KLF7: variants seen among roughly 807,000 people sequenced by gnomAD.
The protein encoded by KLF7 is Krueppel-like factor 7.
KLF7 carries 2 observed loss-of-function variants against 27.3 expected under a neutral mutation model. The observed-to-expected ratio is 0.07, with a 90% CI of 0.03 to 0.23. The LOEUF is 0.23. Ranked by LOEUF, KLF7 falls within the 10% of genes least tolerant of loss-of-function variation. KLF7 has a pLI of 1.00. For missense variants in KLF7, 221 were observed against 394.1 expected (o/e 0.56, Z 3.72); for synonymous variants, 165 against 162.4 (o/e 1.02, Z -0.12).
chr2:207,100,745 T>TCC (rs1450093136), intron 2 of KLF7, among the ~76,000 whole-genome samples: 4 of 152,330 alleles, frequency 2.6e-5, no homozygotes, highest in African/African-American at 9.6e-5. Flanking sequence ...GGCCAGTTAT[T>TCC]TACTATTTCC....
At chr2:207,113,524 A>T in intron 2 of KLF7, among the ~76,000 whole-genome samples, 1 of 145,974 alleles carries the variant, frequency 6.9e-6, no homozygotes. Flanking sequence ...ACAGCAGAGC[A>T]GCAGGCCCAG....
intron 1 of KLF7, among the ~76,000 whole-genome samples, chr2:207,137,677 G>A (rs971769377): frequency 6.6e-6 from 1 of 152,190 alleles, no homozygotes; most frequent in Non-Finnish European, 1.5e-5. Flanking sequence ...GTGTGAGTGT[G>A]TGTGTGCATT....
chr2:207,169,643 A>T (rs535357925), upstream of KLF7, among the ~76,000 whole-genome samples: 1 of 152,330 alleles, frequency 6.6e-6, no homozygotes, highest in South Asian at 2.1e-4. Context: ...CCCTGCTTGG[A>T]ACAAGTCTTA....
Position 207,165,754 on chromosome 2 carries a change from G to A in KLF7, c.-186C>T. On this transcript the variant is annotated 5_prime_UTR_variant, in exon 1 of 4. Coordinates refer to ENST00000309446, the MANE Select transcript of KLF7 (RefSeq NM_003709.4). ...AATGCAGGAGAGGGAGAGAGGAGGTGAGAGAGGAGCGAGTGAGTGGGGTGG... is the reference window on the plus strand; with the variant it reads ...AATGCAGGAGAGGGAGAGAGGAGGTAAGAGAGGAGCGAGTGAGTGGGGTGG... 1.4e-6 allele frequency: 2 copies of A among 1,440,920 alleles called. No homozygotes were observed. Among genetic ancestry groups the A allele is most frequent in the Non-Finnish European group, 1.8e-6 (2 of 1,103,670 alleles). 89.3% of individuals were successfully genotyped at this position (1,440,920 alleles called of 1,614,324 possible).
intron 2 of KLF7, among the ~76,000 whole-genome samples, chr2:207,101,260 A>C (rs1469333382): frequency 6.6e-6 from 1 of 152,240 alleles, no homozygotes; most frequent in East Asian, 1.9e-4. Flanking sequence ...TAGAGATTAA[A>C]GCTAAATGGA....
At chr2:207,153,581 A>G (rs1275379591) in intron 1 of KLF7, among the ~76,000 whole-genome samples, 3 of 152,214 alleles carry the variant, frequency 2.0e-5, no homozygotes, top group African/African-American at 7.2e-5. Flanking sequence ...TCAAAGAGCA[A>G]AGTGAGAAAA....
At chr2:207,087,487 C>T (rs753289220) in intron 3 of KLF7, among the ~76,000 whole-genome samples, 7 of 152,058 alleles carry the variant, frequency 4.6e-5, no homozygotes, top group Non-Finnish European at 7.4e-5. Context: ...GATGCAAAAG[C>T]GATCCCATTT....
upstream of KLF7, chr2:207,166,913 C>T (rs955106860): frequency 9.8e-7 from 1 of 1,024,052 alleles, no homozygotes; most frequent in Admixed American, 4.9e-5. Flanking sequence ...CCCCCGCTTG[C>T]GCACAGTCCC....
chr2:207,103,607 T>C (rs1574457156), intron 2 of KLF7, among the ~76,000 whole-genome samples: 3 of 152,188 alleles, frequency 2.0e-5, no homozygotes, highest in Admixed American at 1.3e-4. Flanking sequence ...TGTTGCCCCA[T>C]GTGTACAAGT....
intron 2 of KLF7, among the ~76,000 whole-genome samples, chr2:207,106,761 C>T (rs529003614): frequency 2.6e-5 from 4 of 152,018 alleles, no homozygotes; most frequent in Non-Finnish European, 5.9e-5. Context: ...GGAAAGCTGT[C>T]GGAAATGATG....
At chr2:207,166,667 A>C, upstream of KLF7, 1 of 377,830 alleles carries the variant, frequency 2.6e-6, no homozygotes, top group Non-Finnish European at 3.6e-6. Flanking sequence ...GAGGGCGCGG[A>C]GCGGGAAGGA....
chr2:207,090,558 C>T (rs917990113), intron 2 of KLF7, among the ~76,000 whole-genome samples: 1 of 152,210 alleles, frequency 6.6e-6, no homozygotes, highest in Non-Finnish European at 1.5e-5. Flanking sequence ...TTTCCTCTGC[C>T]TGTGTTCACA....
At chr2:207,106,013 G>A (rs948365551) in intron 2 of KLF7, among the ~76,000 whole-genome samples, 1 of 152,222 alleles carries the variant, frequency 6.6e-6, no homozygotes, top group Admixed American at 6.5e-5. Context: ...ATGTTGAAAT[G>A]AGAATGTTTT....
At chr2:207,165,067 G>A (rs1224306025) in intron 1 of KLF7, among the ~76,000 whole-genome samples, 1 of 119,940 alleles carries the variant, frequency 8.3e-6, no homozygotes, top group Non-Finnish European at 1.6e-5. Flanking sequence ...CAGGTATCAA[G>A]TGGGTAGAGC....
chr2:207,087,995 G>A (rs1255880484), intron 3 of KLF7, among the ~76,000 whole-genome samples: 1 of 152,092 alleles, frequency 6.6e-6, no homozygotes, highest in African/African-American at 2.4e-5. Flanking sequence ...TTCCAATAAT[G>A]GGTTCAGAGA....
chr2:207,143,559 C>G (rs1385341108), intron 1 of KLF7, among the ~76,000 whole-genome samples: 1 of 152,070 alleles, frequency 6.6e-6, no homozygotes, highest in African/African-American at 2.4e-5. Context: ...GCTTTCTAAG[C>G]AAAAAGGAAA....
chr2:207,099,033 G>GA (rs2076696088), intron 2 of KLF7, among the ~76,000 whole-genome samples: 1 of 152,116 alleles, frequency 6.6e-6, no homozygotes, highest in Admixed American at 6.5e-5. Context: ...GCATCACTCT[G>GA]AAAGTGATAC....
chr2:207,168,647 G>A (rs2078762606), upstream of KLF7, among the ~76,000 whole-genome samples: 1 of 152,170 alleles, frequency 6.6e-6, no homozygotes, highest in African/African-American at 2.4e-5. Context: ...CGTCTGACTT[G>A]CAAAAGGACT....
chr2:207,119,969 G>A (rs2077293762), intron 2 of KLF7, among the ~76,000 whole-genome samples: 3 of 152,120 alleles, frequency 2.0e-5, no homozygotes, highest in Admixed American at 2.0e-4. Flanking sequence ...GCTAGGATTA[G>A]GGGCGTGAGC....
Sources: allele counts gnomAD v4.1 joint callset (sites outside exome capture counted in the v4.1 genomes callset), GRCh38; gene constraint gnomAD v4.1.1; transcripts MANE v1.5; gene names NCBI Gene and HGNC (gene_info 2026-07-23, HGNC 2026-07-21).